EEPD1: variants seen among roughly 807,000 people sequenced by gnomAD.
The protein encoded by EEPD1 is endonuclease/exonuclease/phosphatase family domain-containing protein 1.
Under a neutral mutation model 46.3 loss-of-function variants are expected in EEPD1, and 17 were observed. The observed-to-expected ratio is 0.37, with a 90% CI of 0.25 to 0.55. EEPD1 has a LOEUF of 0.55. Among genes scored for constraint, EEPD1 ranks in the 20% least tolerant of loss-of-function variants. The pLI is 0.83. For missense variants in EEPD1, 673 were observed against 745.6 expected (o/e 0.90, Z 1.13); for synonymous variants, 313 against 315.6 (o/e 0.99, Z 0.09).
In EEPD1 at chr7:36,199,780, G is replaced by A. The variant is rs527578492; in HGVS notation, c.879-39205G>A. Among the ~76,000 whole-genome samples, 346 of 152,198 alleles carry A rather than the reference G, an allele frequency of 2.3e-3. 2 individuals are homozygous for A. The highest frequency in any genetic ancestry group is 8.1e-3 in the African/African-American group (338 of 41,514). On this transcript the variant is annotated intron_variant, in intron 2 of 7. Transcript: ENST00000242108. ...TGGTTCCCAACAGTGAGGGAGGTGG[G>A]GAGTGCTTCCCTGGGGGTCGTGCAC...
At chr7:36,243,734 C>A (rs1786593148) in intron 3 of EEPD1, among the ~76,000 whole-genome samples, 1 of 152,080 alleles carries the variant, frequency 6.6e-6, no homozygotes, top group Non-Finnish European at 1.5e-5. Context: ...AATGTGAGTT[C>A]ATGTCCTTTG....
intron 2 of EEPD1, among the ~76,000 whole-genome samples, chr7:36,176,087 G>T (rs766360046): frequency 1.1e-4 from 17 of 152,182 alleles, no homozygotes; most frequent in Non-Finnish European, 2.1e-4. Context: ...CCTGCCTCTC[G>T]CTGGGACTTC....
chr7:36,189,661 C>T (rs1444647310), intron 2 of EEPD1, among the ~76,000 whole-genome samples: 2 of 152,120 alleles, frequency 1.3e-5, no homozygotes, highest in African/African-American at 4.8e-5. Flanking sequence ...TGTCCCTGCC[C>T]AGAGATGCCT....
At chr7:36,222,726 A>G (rs1786166401) in intron 2 of EEPD1, among the ~76,000 whole-genome samples, 1 of 152,208 alleles carries the variant, frequency 6.6e-6, no homozygotes, top group African/African-American at 2.4e-5. Context: ...TAGTTCATAG[A>G]TGGCATCTTC....
chr7:36,255,557 G>C (rs1290625291), intron 3 of EEPD1, among the ~76,000 whole-genome samples: 1 of 152,172 alleles, frequency 6.6e-6, no homozygotes, highest in African/African-American at 2.4e-5. Context: ...TTAGTCTTGG[G>C]AGAGTGTATG....
chr7:36,208,513 A>G (rs1785865516), intron 2 of EEPD1, among the ~76,000 whole-genome samples: 1 of 152,194 alleles, frequency 6.6e-6, no homozygotes, highest in Admixed American at 6.5e-5. Flanking sequence ...GAGTGGTTTA[A>G]TACTCAGTGG....
Position 36,154,506 on chromosome 7 carries a change from C to T in EEPD1, c.182C>T (p.Ala61Val), listed in dbSNP as rs1237365174. Residue 61 changes from alanine (A) to valine (V), a missense_variant, in exon 2 of 8, where the codon GCA becomes GTA. Ala to Val is a moderately conservative substitution (Grantham distance 64). Transcript: ENST00000242108. The surrounding 1 kb of genome is among the most constrained non-coding windows in gnomAD (Gnocchi z 4.2). ...CTGCCTGGGGTGACGCGTGCCGTGGCACGCAGCATCGTGGAGTACCGAGAG... is the reference window on the plus strand; with the variant it reads ...CTGCCTGGGGTGACGCGTGCCGTGGTACGCAGCATCGTGGAGTACCGAGAG... ...MTLPGVTRAVARSIVEYREYI... is the reference protein window; with the variant it reads ...MTLPGVTRAVVRSIVEYREYI... 1 of 1,614,206 alleles carries T rather than the reference C, an allele frequency of 6.2e-7. No individual in the cohort carries two copies. Among genetic ancestry groups the T allele is most frequent in the Admixed American group, 1.7e-5 (1 of 60,034 alleles).
intron 2 of EEPD1, among the ~76,000 whole-genome samples, chr7:36,174,232 T>C (rs75323624): frequency 0.045 from 6,793 of 152,308 alleles, 479 homozygotes; most frequent in African/African-American, 0.15. Flanking sequence ...AATATCCTTT[T>C]AGCAAAGTAC....
chr7:36,158,806 AT>A (rs1411991929), intron 2 of EEPD1, among the ~76,000 whole-genome samples: 2 of 152,210 alleles, frequency 1.3e-5, no homozygotes, highest in African/African-American at 4.8e-5. Context: ...ATTTTTACTT[AT>A]TTATTTTTTG....
intron 2 of EEPD1, among the ~76,000 whole-genome samples, chr7:36,161,854 A>ATTGTTCTCC: frequency 6.7e-6 from 1 of 148,610 alleles, no homozygotes; most frequent in East Asian, 2.0e-4. Flanking sequence ...TGATCATGCC[A>ATTGTTCTCC]TTGTTCTCCA....
chr7:36,238,769 CT>C (rs112967586), intron 2 of EEPD1, among the ~76,000 whole-genome samples: 5,301 of 152,264 alleles, frequency 0.035, 124 homozygotes, highest in Middle Eastern at 0.078. Context: ...AGTGAAATTG[CT>C]GGATCATATG....
chr7:36,290,845 G>C (rs1787418209), intron 6 of EEPD1, among the ~76,000 whole-genome samples: 1 of 152,192 alleles, frequency 6.6e-6, no homozygotes. Context: ...TCACTGCTGG[G>C]AATCAAGGGA....
intron 2 of EEPD1, among the ~76,000 whole-genome samples, chr7:36,205,603 A>G (rs1785799901): frequency 6.6e-6 from 1 of 152,220 alleles, no homozygotes; most frequent in Non-Finnish European, 1.5e-5. Flanking sequence ...GAGGGGTAAA[A>G]GCGTGGTGCT....
At chr7:36,216,488 T>C (rs1786031950) in intron 2 of EEPD1, among the ~76,000 whole-genome samples, 1 of 152,238 alleles carries the variant, frequency 6.6e-6, no homozygotes, top group South Asian at 2.1e-4. Context: ...GTGCAACTGC[T>C]AGTGGAATTG....
chr7:36,212,345 C>A (rs1785949691), intron 2 of EEPD1, among the ~76,000 whole-genome samples: 1 of 151,656 alleles, frequency 6.6e-6, no homozygotes, highest in African/African-American at 2.4e-5. Flanking sequence ...AATCTTTTGA[C>A]CCAATAGGTC....
At chr7:36,249,872 A>G (rs188429409) in intron 3 of EEPD1, among the ~76,000 whole-genome samples, 79 of 152,296 alleles carry the variant, frequency 5.2e-4, no homozygotes, top group African/African-American at 1.9e-3. Context: ...AGTGCTTTAA[A>G]AAAAACAGGT....
chr7:36,175,950 C>T (rs535783299), intron 2 of EEPD1, among the ~76,000 whole-genome samples: 1 of 152,336 alleles, frequency 6.6e-6, no homozygotes, highest in East Asian at 1.9e-4. Context: ...GAGGTGATGA[C>T]TCTGTGTGGC....
In EEPD1 at chr7:36,172,617, G is replaced by GTT. The variant is rs70977113; in HGVS notation, c.878+17438_878+17439dup. The stretch of plus-strand genomic sequence containing the variant: ...TATAAACTTTCTTAAAATATTATGA[G>GTT]TTTTTTTTTTTTTTTTTTTTTTTTA... On this transcript the variant is annotated intron_variant, in intron 2 of 7. Coordinates refer to ENST00000242108, the MANE Select transcript of EEPD1 (RefSeq NM_030636.3). Among the ~76,000 whole-genome samples, 464 of 100,064 alleles carry GTT rather than the reference G, an allele frequency of 4.6e-3. 8 individuals are homozygous for GTT. The highest frequency in any genetic ancestry group is 0.017 in the African/African-American group (430 of 25,492). 65.6% of individuals were successfully genotyped at this position (100,064 alleles called of 152,430 possible). A position where few individuals can be genotyped will look rare whatever the true frequency, so the allele number is the denominator to read the frequency against.
intron 7 of EEPD1, among the ~76,000 whole-genome samples, chr7:36,297,443 C>G (rs976400302): frequency 6.6e-6 from 1 of 152,130 alleles, no homozygotes; most frequent in African/African-American, 2.4e-5. Context: ...TTCAAATATA[C>G]CTCCTGCTGC....
Sources: allele counts gnomAD v4.1 joint callset (sites outside exome capture counted in the v4.1 genomes callset), GRCh38; gene constraint gnomAD v4.1.1; non-coding constraint Gnocchi (gnomAD v3.1); transcripts MANE v1.5; gene names NCBI Gene and HGNC (gene_info 2026-07-23, HGNC 2026-07-21).